The following HERC1 variants were observed in gnomAD, a reference collection of about 807,000 sequenced individuals.
The protein encoded by HERC1 is probable E3 ubiquitin-protein ligase HERC1.
Under a neutral mutation model 554.3 loss-of-function variants are expected in HERC1, and 160 were observed. The observed-to-expected ratio is 0.29, with a 90% CI of 0.25 to 0.33. HERC1 has a LOEUF of 0.33. HERC1 is among the 10% of genes least tolerant of loss of function. HERC1 has a pLI of 1.00. For synonymous variants in HERC1, 2,175 were observed against 2,131.7 expected, an observed-to-expected ratio of 1.02 and a Z score of -0.56; for missense variants, 4,919 against 5,918.5, an observed-to-expected ratio of 0.83 and a Z score of 5.54.
At chr15:63,616,866 T>A in intron 74 of HERC1, 184 bp from the exon 75 acceptor site, 1 of 590,186 alleles carries the variant, frequency 1.7e-6, no homozygotes, top group Non-Finnish European at 3.0e-6. Flanking sequence ...TAATCACACG[T>A]TGAGTTCTCA....
intron 2 of HERC1, among the ~76,000 whole-genome samples, chr15:63,769,447 T>C (rs1013770452): frequency 6.6e-6 from 1 of 152,126 alleles, no homozygotes. Flanking sequence ...AAGCTGGGCA[T>C]TTTTAGAGAA....
intron 40 of HERC1, 50 bp from the exon 41 acceptor site, chr15:63,666,522 G>A: frequency 8.4e-7 from 1 of 1,192,290 alleles, no homozygotes; most frequent in South Asian, 1.3e-5. Flanking sequence ...TAGATACCGT[G>A]AGTAAAAAGT....
intron 37 of HERC1, among the ~76,000 whole-genome samples, chr15:63,675,904 T>C (rs1453992612): frequency 1.1e-5 from 1 of 94,872 alleles, no homozygotes; most frequent in Non-Finnish European, 2.6e-5. Flanking sequence ...TGTATACATC[T>C]TTTTTTTTTT....
chr15:63,623,926 T>C lies in HERC1; in HGVS notation c.13446-36A>G, dbSNP rs771773987. ...AAGGGAGAAAGCAATGAAATACAAC[T>C]CTTACCAATTTCCCCAAAATCACAT... On this transcript the variant is annotated intron_variant, in intron 72 of 77. Transcript: ENST00000443617. 3.1e-6 allele frequency: 5 copies of C among 1,601,000 alleles called. No individual in the cohort carries two copies. In the East Asian group the frequency reaches 1.1e-4, roughly 36 times the overall value.
chr15:63,779,137 A>G (rs1035576372), intron 1 of HERC1, among the ~76,000 whole-genome samples: 1 of 152,092 alleles, frequency 6.6e-6, no homozygotes, highest in Non-Finnish European at 1.5e-5. Context: ...AAAAAAGAAT[A>G]ATATTCATAT....
At chr15:63,757,944 G>A (rs1445988164) in intron 4 of HERC1, among the ~76,000 whole-genome samples, 4 of 151,254 alleles carry the variant, frequency 2.6e-5, no homozygotes, top group Admixed American at 6.6e-5. Context: ...TCCTGACCTC[G>A]TGATCCACCT....
At position 63,669,518 on chromosome 15, in the gene HERC1, G is replaced by A; in HGVS notation, c.8206+20C>T. 1 of 1,612,204 alleles carries A rather than the reference G, an allele frequency of 6.2e-7. No homozygotes were observed. Among genetic ancestry groups the A allele is most frequent in the African/African-American group, 1.3e-5 (1 of 75,024 alleles). On this transcript the variant is annotated intron_variant, in intron 40 of 77. Coordinates refer to ENST00000443617, the MANE Select transcript of HERC1 (RefSeq NM_003922.4). ...TGGAATGCCAACTTTGGATATCATA[G>A]TGCATATCAGCACACGCACCTGTGC...
At chr15:63,833,794 A>ACACACACACACACACACACACAC (rs1567176642) in intron 1 of HERC1, 33 bp downstream of exon 1, 10 of 137,456 alleles carry the variant, frequency 7.3e-5, no homozygotes, top group African/African-American at 2.2e-4. Flanking sequence ...CACACACAGG[A>ACACACACACACACACACACACAC]CCAGGAGGAC....
At chr15:63,741,425 A>C (rs2074801669) in intron 12 of HERC1, among the ~76,000 whole-genome samples, 1 of 151,888 alleles carries the variant, frequency 6.6e-6, no homozygotes, top group African/African-American at 2.4e-5. Flanking sequence ...CCTGGGTTCA[A>C]GCAATTCTCC....
chr15:63,665,898 G>C, intron 42 of HERC1, 21 bp downstream of exon 42: 1 of 1,577,744 alleles, frequency 6.3e-7, no homozygotes, highest in Non-Finnish European at 8.7e-7. Flanking sequence ...TGGAACAAAA[G>C]TACAGAAACT....
At chr15:63,800,079 G>A (rs1052700916) in intron 1 of HERC1, among the ~76,000 whole-genome samples, 1 of 152,154 alleles carries the variant, frequency 6.6e-6, no homozygotes, top group Non-Finnish European at 1.5e-5. Context: ...AGGCTACAGT[G>A]AGCTGTGATC....
At chr15:63,611,897 G>A (rs988610855) in intron 77 of HERC1, among the ~76,000 whole-genome samples, 5 of 152,188 alleles carry the variant, frequency 3.3e-5, no homozygotes, top group Non-Finnish European at 7.3e-5. Flanking sequence ...GCAACAAGGC[G>A]CAGAGGGCCA....
In HERC1 at chr15:63,628,526, AGTGCT is replaced by A. The variant is rs2068406243; in HGVS notation, c.13105+146_13105+150del. 4 of 769,656 alleles carry A rather than the reference AGTGCT, an allele frequency of 5.2e-6. No homozygotes were observed. In the African/African-American group the frequency reaches 5.3e-5, roughly 10 times the overall value. 47.7% of individuals were successfully genotyped at this position (769,656 alleles called of 1,614,324 possible). A position where few individuals can be genotyped will look rare whatever the true frequency, so the allele number is the denominator to read the frequency against. ...AAATGCCTGCTATGAAAATACTTCC[AGTGCT>A]AGTAGCACAAAGAATGCTTTGTGTG... On this transcript the variant is annotated intron_variant, in intron 70 of 77. Transcript: ENST00000443617.
intron 3 of HERC1, among the ~76,000 whole-genome samples, chr15:63,759,757 C>T (rs2075547277): frequency 6.6e-6 from 1 of 151,872 alleles, no homozygotes; most frequent in African/African-American, 2.4e-5. Context: ...TCAAGCAAAA[C>T]GATAAAAGAA....
intron 30 of HERC1, among the ~76,000 whole-genome samples, chr15:63,693,154 G>A (rs563303394): frequency 6.6e-6 from 1 of 152,042 alleles, no homozygotes; most frequent in East Asian, 1.9e-4. Flanking sequence ...CTCCAGCCTG[G>A]GTGACAGGGT....
intron 64 of HERC1, 55 bp from the exon 65 acceptor site, chr15:63,636,197 T>C: frequency 1.3e-6 from 2 of 1,488,518 alleles, no homozygotes; most frequent in Admixed American, 3.7e-5. Context: ...CTCTCCTCTT[T>C]ACTTGCAGCT....
intron 36 of HERC1, among the ~76,000 whole-genome samples, chr15:63,679,836 T>C (rs1210025421): frequency 6.6e-6 from 1 of 152,254 alleles, no homozygotes; most frequent in Non-Finnish European, 1.5e-5. Flanking sequence ...CTTGTAGTTC[T>C]TGTGACTGCA....
intron 24 of HERC1, among the ~76,000 whole-genome samples, chr15:63,710,555 C>T (rs1325714240): frequency 2.6e-5 from 4 of 152,070 alleles, no homozygotes; most frequent in Non-Finnish European, 5.9e-5. Flanking sequence ...CCTTAAAGAG[C>T]TTATATTCTA....
At position 63,718,832 on chromosome 15, in the gene HERC1, C is replaced by G; in HGVS notation, c.3808G>C (p.Ala1270Pro). 1 of 1,613,744 alleles carries G rather than the reference C, an allele frequency of 6.2e-7. No homozygotes were observed. Among genetic ancestry groups the G allele is most frequent in the Non-Finnish European group, 8.5e-7 (1 of 1,179,708 alleles). ...AGTAAATTTGTGTGTTTCAGAAGAGCTGCAAGAACAAATCTAGACACAGTG... is the reference window on the plus strand; with the variant it reads ...AGTAAATTTGTGTGTTTCAGAAGAGGTGCAAGAACAAATCTAGACACAGTG... ...LDTVSRFVLA[A>P]LLKHTNLLSQ... The change falls in exon 20 of 78, where the codon GCT (alanine) becomes CCT (proline). Residue 1270 changes from alanine to proline, a missense_variant. By Grantham distance (27) the Ala-to-Pro change is conservative. Coordinates refer to ENST00000443617, the MANE Select transcript of HERC1 (RefSeq NM_003922.4). This position sits in a 1 kb window ranked among gnomAD's most constrained non-coding sequence, Gnocchi z 4.2.
Sources: allele counts gnomAD v4.1 joint callset (sites outside exome capture counted in the v4.1 genomes callset), GRCh38; gene constraint gnomAD v4.1.1; non-coding constraint Gnocchi (gnomAD v3.1); transcripts MANE v1.5; gene names NCBI Gene and HGNC (gene_info 2026-07-23, HGNC 2026-07-21).